The following DLGAP1 variants were observed in gnomAD, a reference collection of about 807,000 sequenced individuals.
DLGAP1 encodes disks large-associated protein 1.
In DLGAP1, 11 loss-of-function variants were observed where a neutral mutation model predicts 90.8. That is an observed-to-expected ratio of 0.12 (90% CI 0.08 to 0.20). The LOEUF is 0.20. Ranked by LOEUF, DLGAP1 falls within the 10% of genes least tolerant of loss-of-function variation. DLGAP1 has a pLI of 1.00. For missense variants in DLGAP1, 1,050 were observed against 1,333.8 expected (o/e 0.79, Z 3.31); for synonymous variants, 558 against 540.7 (o/e 1.03, Z -0.44).
intron 1 of DLGAP1, among the ~76,000 whole-genome samples, chr18:4,259,765 A>C (rs1033303540): frequency 5.9e-5 from 9 of 152,210 alleles, no homozygotes; most frequent in African/African-American, 1.7e-4. Context: ...AACAAAAATA[A>C]AATAGTTAGC....
chr18:3,879,625 G>A lies in DLGAP1; in HGVS notation c.444C>T (p.Leu148=). The A allele has an allele frequency of 1.9e-6, 3 of 1,604,450 alleles. No homozygotes were observed. Among genetic ancestry groups the A allele is most frequent in the Non-Finnish European group, 2.5e-6 (3 of 1,178,976 alleles). Residue 148 remains leucine (L), a synonymous_variant, in exon 4 of 13, where the codon CTC becomes CTT. Coordinates refer to ENST00000315677, the MANE Select transcript of DLGAP1 (RefSeq NM_004746.4). The surrounding 1 kb of genome is among the most constrained non-coding windows in gnomAD (Gnocchi z 6.6). ...IRHLVHSVQK[L]FTKSHSLEGP... ...CCTCCAGGGAGTGCGACTTGGTGAA[G>A]AGCTTCTGGACCGAGTGCACCAGGT...
In DLGAP1 at chr18:3,842,968, C is replaced by T. The variant is rs957841939; in HGVS notation, c.958-28695G>A. 5.3e-5 allele frequency among the ~76,000 whole-genome samples: 8 copies of T among 152,278 alleles called. No individual in the cohort carries two copies. In the South Asian group the frequency reaches 6.2e-4, roughly 12 times the overall value. On this transcript the variant is annotated intron_variant, in intron 4 of 12. Transcript: ENST00000315677. ...TGATTGTCCACAAGGATGAGCTTCACGTGTATTTGGGAACAAATCTGTTTG... is the reference window on the plus strand; with the variant it reads ...TGATTGTCCACAAGGATGAGCTTCATGTGTATTTGGGAACAAATCTGTTTG...
chr18:3,830,796 C>T (rs2067991629), intron 4 of DLGAP1, among the ~76,000 whole-genome samples: 1 of 152,160 alleles, frequency 6.6e-6, no homozygotes, highest in Non-Finnish European at 1.5e-5. Context: ...AATCTGTAAG[C>T]AACTTGAGAG....
chr18:4,039,739 G>T (rs893080009), intron 2 of DLGAP1, among the ~76,000 whole-genome samples: 1 of 152,118 alleles, frequency 6.6e-6, no homozygotes, highest in South Asian at 2.1e-4. Flanking sequence ...TGTTGAGATG[G>T]TTAAAGAATA....
chr18:4,211,361 C>T (rs2077836839), intron 1 of DLGAP1, among the ~76,000 whole-genome samples: 1 of 152,180 alleles, frequency 6.6e-6, no homozygotes, highest in Non-Finnish European at 1.5e-5. Flanking sequence ...GATAGTGTTA[C>T]TGACTTGGGC....
intron 1 of DLGAP1, among the ~76,000 whole-genome samples, chr18:4,366,326 A>G (rs529129647): frequency 9.9e-5 from 15 of 152,190 alleles, no homozygotes; most frequent in Non-Finnish European, 1.8e-4. Flanking sequence ...GGGGAATTGA[A>G]TTTTTCTTGG....
intron 7 of DLGAP1, among the ~76,000 whole-genome samples, chr18:3,650,678 C>T (rs937951741): frequency 1.3e-5 from 2 of 152,316 alleles, no homozygotes; most frequent in African/African-American, 4.8e-5. Flanking sequence ...CTGCCACCTA[C>T]CACGCTGGTG....
rs188215191 is a variant in DLGAP1 at position 3,971,586 on chromosome 18, A to G, written c.-73+33530T>C. On this transcript the variant is annotated intron_variant, in intron 3 of 12. Coordinates refer to ENST00000315677, the MANE Select transcript of DLGAP1 (RefSeq NM_004746.4). ...TAATTGACTGGTATGATGCACCCCC[A>G]AGTGTTTGCAGACTGCATTTTATAT... Among the ~76,000 whole-genome samples the G allele has an allele frequency of 2.8e-4, 42 of 152,264 alleles. 1 individual carries two copies. The highest frequency in any genetic ancestry group is 2.6e-3 in the Admixed American group (40 of 15,292).
At chr18:4,351,262 C>G (rs139636146) in intron 1 of DLGAP1, among the ~76,000 whole-genome samples, 90 of 152,318 alleles carry the variant, frequency 5.9e-4, no homozygotes, top group African/African-American at 2.1e-3. Flanking sequence ...TGGCAACTCA[C>G]ACTGTGGAAA....
chr18:4,039,782 A>ACC (rs1182361507), intron 2 of DLGAP1, among the ~76,000 whole-genome samples: 1 of 152,242 alleles, frequency 6.6e-6, no homozygotes, highest in Non-Finnish European at 1.5e-5. Context: ...ACAATTAAGA[A>ACC]CCAATATTTT....
intron 1 of DLGAP1, among the ~76,000 whole-genome samples, chr18:4,167,184 C>T (rs9945265): frequency 0.018 from 2,663 of 151,834 alleles, 79 homozygotes; most frequent in African/African-American, 0.061. Context: ...ACTTATATGC[C>T]GACATTTCAA....
chr18:3,962,154 G>A (rs2148985955), intron 3 of DLGAP1, among the ~76,000 whole-genome samples: 1 of 152,184 alleles, frequency 6.6e-6, no homozygotes, highest in South Asian at 2.1e-4. Flanking sequence ...ACGTCTCAGT[G>A]GTAAGAATTT....
intron 2 of DLGAP1, among the ~76,000 whole-genome samples, chr18:4,010,273 G>A (rs1388850918): frequency 3.9e-5 from 6 of 152,198 alleles, no homozygotes; most frequent in Admixed American, 3.9e-4. Context: ...TGCTGGGTGC[G>A]GTGGCTCAGT....
At chr18:3,784,777 A>G (rs1371717201) in intron 5 of DLGAP1, among the ~76,000 whole-genome samples, 1 of 152,232 alleles carries the variant, frequency 6.6e-6, no homozygotes, top group Non-Finnish European at 1.5e-5. Flanking sequence ...GTATTGAGAA[A>G]ACAAAGATAA....
chr18:4,236,074 T>G (rs1157999587), intron 1 of DLGAP1, among the ~76,000 whole-genome samples: 1 of 152,160 alleles, frequency 6.6e-6, no homozygotes, highest in African/African-American at 2.4e-5. Context: ...AGGACCAGAT[T>G]GCCTGGGTTC....
intron 1 of DLGAP1, among the ~76,000 whole-genome samples, chr18:4,384,483 C>T (rs2082192122): frequency 1.3e-5 from 2 of 152,084 alleles, no homozygotes; most frequent in African/African-American, 4.8e-5. Context: ...TACACCATAT[C>T]TTGTTCATCA....
At chr18:4,052,983 C>G (rs940394633) in intron 2 of DLGAP1, among the ~76,000 whole-genome samples, 15 of 152,142 alleles carry the variant, frequency 9.9e-5, no homozygotes, top group African/African-American at 3.6e-4. Flanking sequence ...TTGGTCAAAG[C>G]CATTCAATAA....
intron 5 of DLGAP1, among the ~76,000 whole-genome samples, chr18:3,789,714 C>CA (rs1338974646): frequency 6.6e-6 from 1 of 152,034 alleles, no homozygotes; most frequent in African/African-American, 2.4e-5. Flanking sequence ...AAGGAAATGT[C>CA]AAAAAAGATG....
At chr18:3,515,428 C>T (rs1418380091) in intron 10 of DLGAP1, among the ~76,000 whole-genome samples, 1 of 133,144 alleles carries the variant, frequency 7.5e-6, no homozygotes, top group Non-Finnish European at 1.5e-5. Context: ...AAGATCATGC[C>T]ACTGCACTCC....
Sources: allele counts gnomAD v4.1 joint callset (sites outside exome capture counted in the v4.1 genomes callset), GRCh38; gene constraint gnomAD v4.1.1; non-coding constraint Gnocchi (gnomAD v3.1); transcripts MANE v1.5; gene names NCBI Gene and HGNC (gene_info 2026-07-23, HGNC 2026-07-21).